Variants in CFAP61 observed in about 807,000 individuals in gnomAD.
CFAP61 encodes the protein cilia and flagella associated protein 61.
A neutral mutation model predicts 135.6 loss-of-function variants in CFAP61; 107 were observed. The ratio of observed to expected loss-of-function variants is 0.79; its 90% CI spans 0.67 to 0.93. The LOEUF (loss-of-function observed/expected upper bound fraction) is 0.93. Among genes scored for constraint, CFAP61 ranks in the 40% least tolerant of loss-of-function variants. CFAP61 has a pLI of 0.00. For synonymous variants in CFAP61, 575 were observed against 578.5 expected, an observed-to-expected ratio of 0.99 and a Z score of 0.09; for missense variants, 1,507 against 1,556.2, an observed-to-expected ratio of 0.97 and a Z score of 0.53.
At chr20:20,323,291 C>G in intron 25 of CFAP61, 13 of 985,390 alleles carry the variant, frequency 1.3e-5, no homozygotes, top group Non-Finnish European at 1.4e-5. Flanking sequence ...AACAAACAAC[C>G]CTAAATTTTC....
At chr20:20,145,921 C>T (rs1168545443) in intron 9 of CFAP61, among the ~76,000 whole-genome samples, 2 of 152,178 alleles carry the variant, frequency 1.3e-5, no homozygotes, top group African/African-American at 4.8e-5. Flanking sequence ...ATGCTCCTCT[C>T]AATAATTGAT....
At chr20:20,358,087 T>G (rs1357934864) in intron 26 of CFAP61, among the ~76,000 whole-genome samples, 2 of 133,622 alleles carry the variant, frequency 1.5e-5, no homozygotes, top group South Asian at 2.4e-4. Flanking sequence ...GGGGAGGTGG[T>G]CACACTGTGA....
intron 25 of CFAP61, among the ~76,000 whole-genome samples, chr20:20,318,726 T>A (rs1045713371): frequency 1.1e-4 from 16 of 152,202 alleles, no homozygotes; most frequent in Admixed American, 7.8e-4. Context: ...GCTCCCATGA[T>A]GTGTCTGCCC....
chr20:20,085,053 G>A (rs757938531), intron 6 of CFAP61: 34 of 945,154 alleles, frequency 3.6e-5, no homozygotes, highest in Admixed American at 1.2e-4. Context: ...AAGATATAAA[G>A]TAACTTTGCT....
At chr20:20,295,131 A>T (rs2147074373) in intron 24 of CFAP61, among the ~76,000 whole-genome samples, 1 of 152,198 alleles carries the variant, frequency 6.6e-6, no homozygotes, top group East Asian at 1.9e-4. Context: ...GGACTTGACA[A>T]GTCACCACCA....
intron 26 of CFAP61, among the ~76,000 whole-genome samples, chr20:20,358,087 TCACACTGTGAGGGGAGGTGGG>T (rs2059326649): frequency 7.5e-6 from 1 of 133,626 alleles, no homozygotes; most frequent in Non-Finnish European, 1.6e-5. Context: ...GGGGAGGTGG[TCACACTGTGAGGGGAGGTGGG>T]CACACTGTGA....
At chr20:20,236,425 T>C (rs1300692560) in intron 18 of CFAP61, among the ~76,000 whole-genome samples, 1 of 152,216 alleles carries the variant, frequency 6.6e-6, no homozygotes, top group African/African-American at 2.4e-5. Flanking sequence ...TCATTGTAAC[T>C]AACTCATTTT....
At chr20:20,105,158 T>C (rs1244238214) in intron 8 of CFAP61, among the ~76,000 whole-genome samples, 1 of 152,114 alleles carries the variant, frequency 6.6e-6, no homozygotes, top group Non-Finnish European at 1.5e-5. Flanking sequence ...GCCCATGTTC[T>C]TCCCCTGGCT....
At chr20:20,262,806 T>G (rs1271704318) in intron 20 of CFAP61, 150 bp from the exon 21 acceptor site, 3 of 223,544 alleles carry the variant, frequency 1.3e-5, no homozygotes, top group Non-Finnish European at 2.3e-5. Flanking sequence ...GTTTTTGTGT[T>G]TTTTTTTTTT....
At chr20:20,304,442 A>C (rs1373460455) in intron 25 of CFAP61, among the ~76,000 whole-genome samples, 1 of 151,768 alleles carries the variant, frequency 6.6e-6, no homozygotes, top group Non-Finnish European at 1.5e-5. Context: ...TGTTACTAAA[A>C]ATCTTCCTTT....
chr20:20,306,057 GA>G (rs1181879364), intron 25 of CFAP61, among the ~76,000 whole-genome samples: 1 of 152,226 alleles, frequency 6.6e-6, no homozygotes, highest in Non-Finnish European at 1.5e-5. Context: ...CTATTCTGAT[GA>G]AAACTAGGGG....
chr20:20,357,446 G>C (rs2059263090), intron 26 of CFAP61, among the ~76,000 whole-genome samples: 1 of 50,618 alleles, frequency 2.0e-5, no homozygotes, highest in Admixed American at 1.9e-4. Context: ...AGGGGAGGTG[G>C]TCACAGTGTG....
chr20:20,199,616 C>A, intron 16 of CFAP61, 152 bp from the exon 17 acceptor site: 1 of 708,084 alleles, frequency 1.4e-6, no homozygotes, highest in Non-Finnish European at 2.3e-6. Context: ...CATTCCTCTG[C>A]TCGAAGAGTA....
intron 18 of CFAP61, among the ~76,000 whole-genome samples, chr20:20,244,177 A>T (rs1442604662): frequency 6.6e-6 from 1 of 152,026 alleles, no homozygotes; most frequent in African/African-American, 2.4e-5. Flanking sequence ...TGGTAGATCT[A>T]CCATTCTGGG....
intron 8 of CFAP61, among the ~76,000 whole-genome samples, chr20:20,103,433 A>T (rs542600797): frequency 6.6e-6 from 1 of 152,146 alleles, no homozygotes; most frequent in Admixed American, 6.5e-5. Context: ...TTGTCCAAGC[A>T]TAAGGAAAAA....
chr20:20,054,009 G>GTTTTTTT (rs1491456523), intron 1 of CFAP61, among the ~76,000 whole-genome samples: 1 of 88,850 alleles, frequency 1.1e-5, no homozygotes. Context: ...TGTTTTTTTT[G>GTTTTTTT]TTTGTTTTTT....
intron 13 of CFAP61, among the ~76,000 whole-genome samples, chr20:20,184,789 G>T (rs574257688): frequency 9.3e-4 from 141 of 152,240 alleles, no homozygotes; most frequent in African/African-American, 3.3e-3. Flanking sequence ...TGATGAGATA[G>T]GAACTTCTGA....
intron 2 of CFAP61, among the ~76,000 whole-genome samples, chr20:20,059,081 A>G (rs921702978): frequency 6.6e-6 from 1 of 152,186 alleles, no homozygotes; most frequent in Admixed American, 6.5e-5. Flanking sequence ...CTGTAATCCC[A>G]GCACTTTGGG....
intron 21 of CFAP61, among the ~76,000 whole-genome samples, chr20:20,266,741 T>G (rs2052772820): frequency 6.6e-6 from 1 of 152,194 alleles, no homozygotes; most frequent in East Asian, 1.9e-4. Flanking sequence ...TCAGTCTAGC[T>G]CAGGTTCTGG....
Sources: allele counts gnomAD v4.1 joint callset (sites outside exome capture counted in the v4.1 genomes callset), GRCh38; gene constraint gnomAD v4.1.1; transcripts MANE v1.5; gene names NCBI Gene and HGNC (gene_info 2026-07-23, HGNC 2026-07-21).